GRIN2B: variants seen among roughly 807,000 people sequenced by gnomAD.
GRIN2B encodes glutamate receptor ionotropic, NMDA 2B.
Under a neutral mutation model 114.5 loss-of-function variants are expected in GRIN2B, and 5 were observed. The observed-to-expected ratio is 0.04, with a 90% CI of 0.02 to 0.09. The LOEUF (loss-of-function observed/expected upper bound fraction) is 0.09, where lower values mean the gene tolerates loss of function less well. Among genes scored for constraint, GRIN2B ranks in the 10% least tolerant of loss-of-function variants. The pLI is 1.00. For synonymous variants in GRIN2B, 787 were observed against 745.1 expected (o/e 1.06, Z -0.92); for missense variants, 1,108 against 1,943.5 (o/e 0.57, Z 8.08).
chr12:13,817,427 C>T (rs777435951), intron 3 of GRIN2B, among the ~76,000 whole-genome samples: 11 of 152,130 alleles, frequency 7.2e-5, no homozygotes, highest in Admixed American at 6.5e-5. Flanking sequence ...CCCAGCAGCA[C>T]GGTCCACACA....
chr12:13,865,669 G>A, intron 3 of GRIN2B, 129 bp downstream of exon 3: 1 of 821,608 alleles, frequency 1.2e-6, no homozygotes, highest in East Asian at 2.4e-5. Flanking sequence ...TTAATTGCTG[G>A]CCTATCCACG....
At chr12:13,780,589 G>T (rs1042080939) in intron 3 of GRIN2B, among the ~76,000 whole-genome samples, 3 of 152,176 alleles carry the variant, frequency 2.0e-5, no homozygotes, top group Non-Finnish European at 4.4e-5. Flanking sequence ...TTAAGGGCTG[G>T]AGGTAGATAG....
At chr12:13,953,026 G>A (rs1867519405) in intron 2 of GRIN2B, among the ~76,000 whole-genome samples, 1 of 151,660 alleles carries the variant, frequency 6.6e-6, no homozygotes, top group African/African-American at 2.4e-5. Flanking sequence ...TGGAGCCTCA[G>A]TTGAGAAGAC....
rs1374445031 is a variant in GRIN2B at position 13,713,567 on chromosome 12, T to A, written c.1011-37708A>T. Among the ~76,000 whole-genome samples the A allele has an allele frequency of 2.0e-5, 3 of 152,074 alleles. No individual in the cohort carries two copies. In the South Asian group the frequency reaches 6.2e-4, roughly 32 times the overall value. On this transcript the variant is annotated intron_variant, in intron 4 of 13. Transcript: ENST00000609686. ...CTTCCCTAGCGATGAGCCATCAGTG[T>A]TGGTAAGACGTTCTTAATAGAACAA...
chr12:13,630,901 A>G (rs1012534227), intron 5 of GRIN2B, among the ~76,000 whole-genome samples: 6 of 152,190 alleles, frequency 3.9e-5, no homozygotes, highest in Non-Finnish European at 7.4e-5. Flanking sequence ...ATAATTCTGC[A>G]TGGCTGAGGA....
chr12:13,723,138 TTTTTG>T (rs1862909490), intron 4 of GRIN2B, among the ~76,000 whole-genome samples: 1 of 150,140 alleles, frequency 6.7e-6, no homozygotes, highest in African/African-American at 2.4e-5. Context: ...ACACCTTTTT[TTTTTG>T]TTTTTTATTA....
chr12:13,714,155 C>T (rs1334574386), intron 4 of GRIN2B, among the ~76,000 whole-genome samples: 1 of 151,788 alleles, frequency 6.6e-6, no homozygotes, highest in African/African-American at 2.4e-5. Context: ...CCCTCCCCCA[C>T]CCACCACTCC....
intron 2 of GRIN2B, among the ~76,000 whole-genome samples, chr12:13,932,306 C>A (rs906751064): frequency 7.9e-5 from 12 of 152,326 alleles, no homozygotes; most frequent in African/African-American, 2.9e-4. Context: ...TCTTCCATGA[C>A]TACATTACCC....
chr12:13,713,380 C>T (rs1028430527), intron 4 of GRIN2B, among the ~76,000 whole-genome samples: 4 of 151,794 alleles, frequency 2.6e-5, no homozygotes, highest in Admixed American at 6.6e-5. Context: ...CTTAAGCCTC[C>T]CATATTCAAG....
At chr12:13,721,523 T>C (rs888577845) in intron 4 of GRIN2B, among the ~76,000 whole-genome samples, 3 of 151,882 alleles carry the variant, frequency 2.0e-5, no homozygotes, top group Non-Finnish European at 4.4e-5. Flanking sequence ...GAAAAATAAG[T>C]AAGGAAAACC....
At chr12:13,614,234 T>A (rs1949405070) in intron 8 of GRIN2B, among the ~76,000 whole-genome samples, 1 of 152,162 alleles carries the variant, frequency 6.6e-6, no homozygotes, top group South Asian at 2.1e-4. Flanking sequence ...TTGAATTAAT[T>A]CCCTATGGTT....
At chr12:13,617,399 C>T (rs1949458509) in intron 5 of GRIN2B, among the ~76,000 whole-genome samples, 1 of 152,200 alleles carries the variant, frequency 6.6e-6, no homozygotes, top group South Asian at 2.1e-4. Context: ...GCCCCAACAC[C>T]ATGGAGCACC....
intron 3 of GRIN2B, among the ~76,000 whole-genome samples, chr12:13,760,865 T>C (rs910479774): frequency 2.6e-5 from 4 of 152,204 alleles, no homozygotes; most frequent in African/African-American, 9.6e-5. Context: ...ATCATCTCCT[T>C]TGATGAGTAG....
chr12:13,677,760 C>A (rs986813275), intron 4 of GRIN2B, among the ~76,000 whole-genome samples: 1 of 151,942 alleles, frequency 6.6e-6, no homozygotes, highest in Non-Finnish European at 1.5e-5. Flanking sequence ...CCCCTGCAAC[C>A]CTTTGATACA....
chr12:13,909,788 A>G (rs1179359308), intron 2 of GRIN2B, among the ~76,000 whole-genome samples: 1 of 152,234 alleles, frequency 6.6e-6, no homozygotes, highest in African/African-American at 2.4e-5. Flanking sequence ...GCTGTAAATC[A>G]CAGACAAATG....
At chr12:13,944,275 C>T (rs1182631202) in intron 2 of GRIN2B, among the ~76,000 whole-genome samples, 1 of 152,162 alleles carries the variant, frequency 6.6e-6, no homozygotes, top group Non-Finnish European at 1.5e-5. Flanking sequence ...AGGTAATATT[C>T]CAAAGCCACT....
At chr12:13,744,330 C>T (rs1376300742) in intron 4 of GRIN2B, among the ~76,000 whole-genome samples, 2 of 152,144 alleles carry the variant, frequency 1.3e-5, no homozygotes, top group African/African-American at 2.4e-5. Context: ...GTGTTTTATC[C>T]AGTTTTCTTA....
At chr12:13,794,672 G>C (rs1464943950) in intron 3 of GRIN2B, among the ~76,000 whole-genome samples, 2 of 152,222 alleles carry the variant, frequency 1.3e-5, no homozygotes, top group African/African-American at 4.8e-5. Context: ...CAGAAGAAAT[G>C]AGACTAAAAA....
chr12:13,687,930 A>T (rs1302597199), intron 4 of GRIN2B, among the ~76,000 whole-genome samples: 7 of 152,186 alleles, frequency 4.6e-5, no homozygotes, highest in Non-Finnish European at 1.5e-5. Flanking sequence ...AGTTGCTTGG[A>T]AGTCTTATTT....
Sources: gnomAD v4.1 joint callset for allele counts (sites outside exome capture counted in the v4.1 genomes callset) on GRCh38, gnomAD v4.1.1 for gene constraint, MANE v1.5 for transcripts, NCBI Gene and HGNC (gene_info 2026-07-23, HGNC 2026-07-21) for gene names.